Variants in PACRG observed in about 807,000 individuals in gnomAD.
PACRG encodes the protein parkin coregulated, also known as parkin coregulated gene protein.
A neutral mutation model predicts 29.7 loss-of-function variants in PACRG; 29 were observed. That is an observed-to-expected ratio of 0.98 (90% CI 0.73 to 1.33). PACRG has a LOEUF of 1.33. Ranked by LOEUF, PACRG falls within the 40% of genes most tolerant of loss-of-function variation. The probability of loss-of-function intolerance (pLI) is 0.00; values close to 1 mark genes in which losing one functional copy is unlikely to be tolerated. For synonymous variants in PACRG, 116 were observed against 118.7 expected (o/e 0.98, Z 0.15); for missense variants, 279 against 316.2 (o/e 0.88, Z 0.89).
chr6:163,021,095 A>G (rs543681509), intron 2 of PACRG, among the ~76,000 whole-genome samples: 1 of 152,212 alleles, frequency 6.6e-6, no homozygotes, highest in African/African-American at 2.4e-5. Flanking sequence ...AACACTCTCC[A>G]TGGTGAGCCA....
intron 4 of PACRG, among the ~76,000 whole-genome samples, chr6:163,145,890 G>A (rs909446379): frequency 6.6e-5 from 10 of 152,194 alleles, no homozygotes; most frequent in African/African-American, 2.4e-4. Flanking sequence ...GACCTGCAGG[G>A]TGAGATGAGA....
At chr6:163,000,171 C>G (rs1405588901) in intron 2 of PACRG, among the ~76,000 whole-genome samples, 1 of 152,188 alleles carries the variant, frequency 6.6e-6, no homozygotes, top group Non-Finnish European at 1.5e-5. Context: ...GCCAGATTCA[C>G]TTTTCCTCCC....
chr6:162,769,558 C>T (rs898119730), intron 1 of PACRG, among the ~76,000 whole-genome samples: 1 of 151,782 alleles, frequency 6.6e-6, no homozygotes, highest in Non-Finnish European at 1.5e-5. Flanking sequence ...ATTTTCTACT[C>T]CAAAGTATAT....
intron 4 of PACRG, among the ~76,000 whole-genome samples, chr6:163,124,992 A>G (rs1467436459): frequency 6.6e-6 from 1 of 152,258 alleles, no homozygotes; most frequent in Non-Finnish European, 1.5e-5. Flanking sequence ...AGGAAAAAAT[A>G]AAGAAGTGAA....
At chr6:163,177,710 A>ATTTGTTTTTTTTT (rs1779441609) in intron 4 of PACRG, among the ~76,000 whole-genome samples, 1 of 53,744 alleles carries the variant, frequency 1.9e-5, no homozygotes, top group Non-Finnish European at 3.1e-5. Flanking sequence ...TAGAAAAGGG[A>ATTTGTTTTTTTTT]TTTTTTTTTT....
At chr6:162,914,513 T>G (rs894742715) in intron 2 of PACRG, among the ~76,000 whole-genome samples, 36 of 114,918 alleles carry the variant, frequency 3.1e-4, no homozygotes, top group Middle Eastern at 3.6e-3. Flanking sequence ...TTTTTGTTTT[T>G]TTTTTTTTTT....
chr6:162,886,210 A>C (rs1221794277), intron 2 of PACRG, among the ~76,000 whole-genome samples: 1 of 152,124 alleles, frequency 6.6e-6, no homozygotes, highest in Non-Finnish European at 1.5e-5. Context: ...GGCATGAGCC[A>C]TTGCCCCCGG....
In PACRG at chr6:163,253,344, A is replaced by C. The variant is rs571519734; in HGVS notation, c.614-61483A>C. Reference sequence around the variant, plus strand: ...AAGAAAGAAAGAAATCAGAAAATGTAAAAAAATAGATGAGCTCTTGTGATA... The same window carrying C: ...AAGAAAGAAAGAAATCAGAAAATGTCAAAAAATAGATGAGCTCTTGTGATA... On this transcript the variant is annotated intron_variant, in intron 4 of 4. Transcript: ENST00000366888. 3.9e-5 allele frequency among the ~76,000 whole-genome samples: 6 copies of C among 151,916 alleles called. No individual in the cohort carries two copies. In the East Asian group the frequency reaches 1.2e-3, roughly 29 times the overall value.
rs114753666 is a variant in PACRG, at chr6:163,218,691, C to T, written c.614-96136C>T. 3.4e-3 allele frequency among the ~76,000 whole-genome samples: 516 copies of T among 152,358 alleles called. 2 individuals are homozygous for T. Among genetic ancestry groups the T allele is most frequent in the African/African-American group, 0.012 (485 of 41,584 alleles). On this transcript the variant is annotated intron_variant, in intron 4 of 4. Transcript: ENST00000366888. ...CTCTGATAACAGCCTTGTCCACCTG[C>T]TCCTCCAGCTCCTCCCAGCTCACAG...
intron 2 of PACRG, among the ~76,000 whole-genome samples, chr6:163,019,692 CCCATTG>C (rs1441610269): frequency 1.3e-5 from 2 of 152,118 alleles, no homozygotes; most frequent in Non-Finnish European, 2.9e-5. Context: ...GAGGTCTGTC[CCCATTG>C]CCTTATATTT....
chr6:162,950,428 A>G (rs1394228595), intron 2 of PACRG, among the ~76,000 whole-genome samples: 1 of 152,192 alleles, frequency 6.6e-6, no homozygotes, highest in Non-Finnish European at 1.5e-5. Flanking sequence ...GAATGGCATG[A>G]ACCCGGGAGG....
intron 4 of PACRG, among the ~76,000 whole-genome samples, chr6:163,210,139 T>C (rs1297305215): frequency 1.3e-5 from 2 of 152,166 alleles, no homozygotes; most frequent in Non-Finnish European, 2.9e-5. Flanking sequence ...TATTAAAGAT[T>C]ACAGAGCAGT....
chr6:163,157,386 G>A (rs977390466), intron 4 of PACRG, among the ~76,000 whole-genome samples: 18 of 152,102 alleles, frequency 1.2e-4, no homozygotes, highest in Admixed American at 1.0e-3. Context: ...GAGGTGGAAC[G>A]GCACACTCCT....
At chr6:163,261,269 A>T (rs1391707093) in intron 4 of PACRG, among the ~76,000 whole-genome samples, 1 of 151,834 alleles carries the variant, frequency 6.6e-6, no homozygotes, top group African/African-American at 2.4e-5. Flanking sequence ...TTTTACTTTA[A>T]GTTCTGGGAT....
intron 2 of PACRG, among the ~76,000 whole-genome samples, chr6:162,977,548 T>C (rs529524288): frequency 6.6e-6 from 1 of 151,936 alleles, no homozygotes; most frequent in South Asian, 2.1e-4. Context: ...TCGAACCCCA[T>C]CCCACCCTTC....
At chr6:162,799,850 A>C (rs1001578794) in intron 1 of PACRG, among the ~76,000 whole-genome samples, 44 of 152,334 alleles carry the variant, frequency 2.9e-4, no homozygotes, top group African/African-American at 9.9e-4. Flanking sequence ...CTAATTATTC[A>C]GTAAGAAATA....
At position 163,057,159 on chromosome 6, in the gene PACRG, G is replaced by A. The variant is rs1810666761; in HGVS notation, c.292-4991G>A. 3.9e-5 allele frequency among the ~76,000 whole-genome samples: 6 copies of A among 152,120 alleles called. No homozygotes were observed. In the South Asian group the frequency reaches 1.2e-3, roughly 32 times the overall value. ...AAGAGCCAACTAAAAGTATCATGAA[G>A]AAAATTAAAACCTGGTTCCTCTTTA... is the stretch of plus-strand genomic sequence containing the variant. On this transcript the variant is annotated intron_variant, in intron 2 of 4. Transcript: ENST00000366888.
chr6:162,905,092 T>A (rs1480667530), intron 2 of PACRG, among the ~76,000 whole-genome samples: 1 of 152,156 alleles, frequency 6.6e-6, no homozygotes. Flanking sequence ...AGCCTCCTGG[T>A]CCCCTGTAAG....
intron 1 of PACRG, among the ~76,000 whole-genome samples, chr6:162,734,381 A>G (rs1780001716): frequency 6.6e-6 from 1 of 152,112 alleles, no homozygotes; most frequent in South Asian, 2.1e-4. Flanking sequence ...TTTGGAAGGT[A>G]TAAATTTTGA....
Sources: allele counts gnomAD v4.1 joint callset (sites outside exome capture counted in the v4.1 genomes callset), GRCh38; gene constraint gnomAD v4.1.1; transcripts MANE v1.5; gene names NCBI Gene and HGNC (gene_info 2026-07-23, HGNC 2026-07-21).